OLFM2: variants seen among roughly 807,000 people sequenced by gnomAD.
The protein encoded by OLFM2 is olfactomedin 2.
OLFM2 carries 20 observed loss-of-function variants against 43.9 expected under a neutral mutation model. The observed-to-expected ratio is 0.46, with a 90% CI of 0.32 to 0.66. The LOEUF (loss-of-function observed/expected upper bound fraction) is 0.66. Among genes scored for constraint, OLFM2 ranks in the 30% least tolerant of loss-of-function variants. OLFM2 has a pLI of 0.04. For synonymous variants in OLFM2, 268 were observed against 278.6 expected, an observed-to-expected ratio of 0.96 and a Z score of 0.38; for missense variants, 416 against 643.6, an observed-to-expected ratio of 0.65 and a Z score of 3.83.
In OLFM2 at chr19:9,880,559, T is replaced by G. The variant is rs558487955; in HGVS notation, c.64-19765A>C. On this transcript the variant is annotated intron_variant, in intron 1 of 5. Coordinates refer to ENST00000264833, the MANE Select transcript of OLFM2 (RefSeq NM_058164.4). Reference sequence around the variant, plus strand: ...TTGCAGTGAGCTGTGATCACACCACTGCACTCCAACCTGAGCAAGAGAGCG... The same window carrying G: ...TTGCAGTGAGCTGTGATCACACCACGGCACTCCAACCTGAGCAAGAGAGCG... Among the ~76,000 whole-genome samples, 6 of 152,096 alleles carry G rather than the reference T, an allele frequency of 3.9e-5. No individual in the cohort carries two copies. In the East Asian group the frequency reaches 5.8e-4, roughly 15 times the overall value.
At chr19:9,894,407 A>AATAATG (rs1257401886) in intron 1 of OLFM2, among the ~76,000 whole-genome samples, 15 of 91,116 alleles carry the variant, frequency 1.6e-4, no homozygotes, top group East Asian at 5.0e-4. Context: ...TAATAATAAT[A>AATAATG]ATAATAAATA....
chr19:9,877,535 AAAATAAATAAAT>A (rs71188850), intron 1 of OLFM2, among the ~76,000 whole-genome samples: 4,105 of 147,518 alleles, frequency 0.028, 148 homozygotes, highest in African/African-American at 0.083. Context: ...CTCTGTCTCA[AAAATAAATAAAT>A]AAATAAATAA....
chr19:9,924,325 G>T (rs2086438661), intron 1 of OLFM2, among the ~76,000 whole-genome samples: 1 of 140,110 alleles, frequency 7.1e-6, no homozygotes, highest in Non-Finnish European at 1.5e-5. Flanking sequence ...AGAATGGCGT[G>T]AACCCGGGAG....
chr19:9,861,735 G>A (rs929980619), intron 1 of OLFM2, among the ~76,000 whole-genome samples: 1 of 152,178 alleles, frequency 6.6e-6, no homozygotes, highest in Non-Finnish European at 1.5e-5. Context: ...AAGTACCAGG[G>A]AACTCTAGAC....
chr19:9,856,565 G>A lies in OLFM2; in HGVS notation c.687+242C>T, dbSNP rs1438558510. ...GTCAGTAGTCCCTGAGAACTGGTCA[G>A]TAGAACTCAGTAACCATTAGCCACT... On this transcript the variant is annotated intron_variant, in intron 5 of 5. Coordinates refer to ENST00000264833, the MANE Select transcript of OLFM2 (RefSeq NM_058164.4). This position sits in a 1 kb window ranked among gnomAD's most constrained non-coding sequence, Gnocchi z 4.0. Among the ~76,000 whole-genome samples the A allele has an allele frequency of 1.3e-5, 2 of 152,238 alleles. No individual in the cohort carries two copies. The highest frequency in any genetic ancestry group is 4.8e-5 in the African/African-American group (2 of 41,456).
At chr19:9,921,844 A>G (rs1211455023) in intron 1 of OLFM2, among the ~76,000 whole-genome samples, 1 of 152,144 alleles carries the variant, frequency 6.6e-6, no homozygotes, top group African/African-American at 2.4e-5. Flanking sequence ...CTGTCATCCC[A>G]GCACTTTGGG....
intron 1 of OLFM2, among the ~76,000 whole-genome samples, chr19:9,935,796 C>T (rs1454945465): frequency 2.6e-5 from 4 of 152,002 alleles, no homozygotes; most frequent in Non-Finnish European, 4.4e-5. Context: ...CCAACCACGA[C>T]ACAAAGACAC....
intron 1 of OLFM2, among the ~76,000 whole-genome samples, chr19:9,898,861 C>T (rs962324051): frequency 1.3e-5 from 2 of 152,172 alleles, no homozygotes; most frequent in Non-Finnish European, 2.9e-5. Context: ...TAACACCGGG[C>T]TTGCTCGGTC....
At chr19:9,858,317 C>G (rs2046340060) in intron 2 of OLFM2, 1 of 253,062 alleles carries the variant, frequency 4.0e-6, no homozygotes, top group Admixed American at 5.6e-5. Flanking sequence ...TTGCTGGTCT[C>G]TCTACCTGGA....
At chr19:9,906,927 G>T (rs1168282945) in intron 1 of OLFM2, among the ~76,000 whole-genome samples, 1 of 152,168 alleles carries the variant, frequency 6.6e-6, no homozygotes, top group Non-Finnish European at 1.5e-5. Context: ...TTCTGCAGCT[G>T]CAGCCCAGAC....
chr19:9,905,388 C>T lies in OLFM2; in HGVS notation c.63+30916G>A, dbSNP rs375050817. Among the ~76,000 whole-genome samples, 9 of 152,034 alleles carry T rather than the reference C, an allele frequency of 5.9e-5. No individual in the cohort carries two copies. In the East Asian group the frequency reaches 9.7e-4, roughly 16 times the overall value. ...AGGAGAATGGCTTGAACCCGGAAGGCGGAGCTTGCAGTGAGCCGAGATTGC... is the reference window on the plus strand; with the variant it reads ...AGGAGAATGGCTTGAACCCGGAAGGTGGAGCTTGCAGTGAGCCGAGATTGC... On this transcript the variant is annotated intron_variant, in intron 1 of 5. Coordinates refer to ENST00000264833, the MANE Select transcript of OLFM2 (RefSeq NM_058164.4).
rs372751065 is a variant in OLFM2 at position 9,901,701 on chromosome 19, C to A, written c.63+34603G>T. ...GGTTATTTGTGTTCCAAAAGAGCAG[C>A]ATGTAGGCATTGGAGTGCACAGGGA... is the stretch of plus-strand genomic sequence containing the variant. On this transcript the variant is annotated intron_variant, in intron 1 of 5. Transcript: ENST00000264833. Among the ~76,000 whole-genome samples, 12 of 152,156 alleles carry A rather than the reference C, an allele frequency of 7.9e-5. No homozygotes were observed. The East Asian group carries it at 9.6e-4, about 12-fold the overall frequency.
chr19:9,861,446 G>T (rs2046364909), intron 1 of OLFM2, among the ~76,000 whole-genome samples: 1 of 152,074 alleles, frequency 6.6e-6, no homozygotes, highest in Non-Finnish European at 1.5e-5. Flanking sequence ...TTACAGGCGT[G>T]AGCCACCGTG....
At chr19:9,862,988 CAA>C (rs33975846) in intron 1 of OLFM2, among the ~76,000 whole-genome samples, 4 of 135,684 alleles carry the variant, frequency 2.9e-5, no homozygotes, top group Admixed American at 7.6e-5. Context: ...AACTCTGTCT[CAA>C]AAAAAAAAAA....
intron 1 of OLFM2, among the ~76,000 whole-genome samples, chr19:9,922,480 GGAA>G (rs2086427462): frequency 6.6e-6 from 1 of 152,114 alleles, no homozygotes; most frequent in African/African-American, 2.4e-5. Context: ...CAGCACTTTA[GGAA>G]GCTAAGGTGG....
chr19:9,887,337 C>G (rs1258411953), intron 1 of OLFM2, among the ~76,000 whole-genome samples: 1 of 151,624 alleles, frequency 6.6e-6, no homozygotes, highest in Non-Finnish European at 1.5e-5. Flanking sequence ...CACCACCACC[C>G]CCAGCTAATT....
chr19:9,903,102 C>G (rs1484452343), intron 1 of OLFM2, among the ~76,000 whole-genome samples: 1 of 152,170 alleles, frequency 6.6e-6, no homozygotes, highest in Non-Finnish European at 1.5e-5. Context: ...CAATGTTGCC[C>G]AGGTTGGTCT....
At chr19:9,861,822 A>G (rs2046367098) in intron 1 of OLFM2, among the ~76,000 whole-genome samples, 1 of 152,060 alleles carries the variant, frequency 6.6e-6, no homozygotes, top group South Asian at 2.1e-4. Context: ...AGTTTTGAGA[A>G]CAGCCTGGCC....
At chr19:9,931,708 C>CAAAAAAAAAAAA (rs202150159) in intron 1 of OLFM2, among the ~76,000 whole-genome samples, 1 of 117,736 alleles carries the variant, frequency 8.5e-6, no homozygotes, top group African/African-American at 4.0e-5. Context: ...GACTCCATCT[C>CAAAAAAAAAAAA]AAAAATAAAA....
Sources: gnomAD v4.1 joint callset for allele counts (sites outside exome capture counted in the v4.1 genomes callset) on GRCh38, gnomAD v4.1.1 for gene constraint, Gnocchi (gnomAD v3.1) non-coding constraint, MANE v1.5 for transcripts, NCBI Gene and HGNC (gene_info 2026-07-23, HGNC 2026-07-21) for gene names.